Variants in ARID1A observed in about 807,000 individuals in gnomAD.
ARID1A encodes the protein AT-rich interaction domain 1A.
In ARID1A, 20 loss-of-function variants were observed where a neutral mutation model predicts 212.6. That is an observed-to-expected ratio of 0.09 (90% CI 0.07 to 0.14). ARID1A has a LOEUF of 0.14. Among genes scored for constraint, ARID1A ranks in the 10% least tolerant of loss-of-function variants. The probability of loss-of-function intolerance (pLI) is 1.00; values close to 1 mark genes in which losing one functional copy is unlikely to be tolerated. For synonymous variants in ARID1A, 1,376 were observed against 1,222.1 expected (o/e 1.13, Z -2.63); for missense variants, 2,587 against 3,059.0 (o/e 0.85, Z 3.64).
At chr1:26,748,877 ACT>A (rs1363759966) in intron 4 of ARID1A, among the ~76,000 whole-genome samples, 3 of 150,454 alleles carry the variant, frequency 2.0e-5, no homozygotes, top group Non-Finnish European at 1.5e-5. Context: ...TTTTTGGAAA[ACT>A]CTCGGCCAGG....
At chr1:26,760,773 A>G (rs548635503) in intron 4 of ARID1A, 83 bp from the exon 5 acceptor site, 1 of 1,436,650 alleles carries the variant, frequency 7.0e-7, no homozygotes, top group South Asian at 1.3e-5. Context: ...TTTAAGGAAA[A>G]TGCTAAGCAA....
At chr1:26,754,706 G>C (rs1342131453) in intron 4 of ARID1A, among the ~76,000 whole-genome samples, 1 of 152,196 alleles carries the variant, frequency 6.6e-6, no homozygotes, top group Admixed American at 6.6e-5. Context: ...AATGGAGAGA[G>C]AAAGCCAGCA....
intron 4 of ARID1A, among the ~76,000 whole-genome samples, chr1:26,745,612 C>T (rs1056490419): frequency 1.3e-4 from 19 of 151,890 alleles, no homozygotes; most frequent in African/African-American, 4.6e-4. Flanking sequence ...TTACATATGA[C>T]GAACCTAAGG....
At chr1:26,711,092 T>C (rs894765539) in intron 1 of ARID1A, among the ~76,000 whole-genome samples, 31 of 151,868 alleles carry the variant, frequency 2.0e-4, no homozygotes, top group African/African-American at 6.5e-4. Flanking sequence ...TAATGCCCTC[T>C]TAGCCTCTTA....
At chr1:26,766,436 G>T (rs893666363) in intron 9 of ARID1A, 21 bp from the exon 10 acceptor site, 1 of 1,613,870 alleles carries the variant, frequency 6.2e-7, no homozygotes, top group Non-Finnish European at 8.5e-7. Flanking sequence ...CTGGACTTGA[G>T]AATTTTTTTC....
chr1:26,704,706 A>C (rs1257342781), intron 1 of ARID1A, among the ~76,000 whole-genome samples: 1 of 151,980 alleles, frequency 6.6e-6, no homozygotes, highest in Non-Finnish European at 1.5e-5. Context: ...ACAAGACACA[A>C]AAATTGCTGG....
intron 4 of ARID1A, among the ~76,000 whole-genome samples, chr1:26,733,766 T>A (rs1272507320): frequency 6.6e-6 from 1 of 152,186 alleles, no homozygotes; most frequent in Non-Finnish European, 1.5e-5. Context: ...AAATGGAAAT[T>A]CAGCCACATA....
intron 4 of ARID1A, among the ~76,000 whole-genome samples, chr1:26,739,411 T>C (rs1470427170): frequency 6.6e-6 from 1 of 152,076 alleles, no homozygotes; most frequent in African/African-American, 2.4e-5. Flanking sequence ...ACCTAAGAAT[T>C]TGCATTTCTA....
At chr1:26,759,174 G>A (rs1241686948) in intron 4 of ARID1A, among the ~76,000 whole-genome samples, 1 of 152,138 alleles carries the variant, frequency 6.6e-6, no homozygotes, top group Admixed American at 6.6e-5. Context: ...TCCTTGAGAT[G>A]TGTGGTGTTT....
At chr1:26,769,187 G>A (rs980509260) in intron 11 of ARID1A, 1 of 152,208 alleles carries the variant, frequency 6.6e-6, no homozygotes, top group Non-Finnish European at 1.5e-5. Flanking sequence ...GGGAAAGGGA[G>A]CATTGGGTTA....
rs959877504 is a variant in ARID1A at position 26,721,026 on chromosome 1, G to A, written c.1138-8625G>A. Among the ~76,000 whole-genome samples the A allele has an allele frequency of 3.3e-5, 5 of 152,136 alleles. No homozygotes were observed. In the East Asian group the frequency reaches 9.6e-4, roughly 29 times the overall value. On this transcript the variant is annotated intron_variant, in intron 1 of 19. Transcript: ENST00000324856. ...CCCTCAGGAAGTTGGTCTGAGAACT[G>A]GGATTGGACCCCAGATGTACTTACT... is the stretch of plus-strand genomic sequence containing the variant.
intron 18 of ARID1A, 86 bp from the exon 19 acceptor site, chr1:26,775,491 A>G: frequency 6.4e-7 from 1 of 1,563,860 alleles, no homozygotes. Flanking sequence ...TGTTATCTTC[A>G]GAGTAGCTTC....
chr1:26,696,418 CGCCCCCGCCGCCGCCAGCAGCCTGG>C lies in ARID1A; in HGVS notation c.18_42del (p.Pro7ThrfsTer10). ...CAGCGGGGATCATGGCCGCGCAGGT[CGCCCCCGCCGCCGCCAGCAGCCTGG>C]GCAACCCGCCGCCGCCGCCGCCCTC... is the stretch of plus-strand genomic sequence containing the variant. On this transcript the variant is annotated frameshift_variant, in exon 1 of 20. Transcript: ENST00000324856. LOFTEE classifies it high-confidence loss of function. 1 of 1,284,648 alleles carries C rather than the reference CGCCCCCGCCGCCGCCAGCAGCCTGG, an allele frequency of 7.8e-7. No homozygotes were observed. The allele number at this position is 1,284,648 out of a possible 1,614,324, so 79.6% of individuals were successfully genotyped here.
In ARID1A at chr1:26,696,061, C is replaced by T. The variant is rs1227308370; in HGVS notation, c.-343C>T. 1 of 623,988 alleles carries T rather than the reference C, an allele frequency of 1.6e-6. No homozygotes were observed. Among genetic ancestry groups the T allele is most frequent in the Non-Finnish European group, 2.0e-6 (1 of 488,728 alleles). 38.7% of individuals were successfully genotyped at this position (623,988 alleles called of 1,614,324 possible). ...AGCGGAGAGTCACAGCGGGGCCAGG[C>T]CCTGGGGAGCGGAGCCTCCACCGCC... On this transcript the variant is annotated 5_prime_UTR_variant, in exon 1 of 20. Coordinates refer to ENST00000324856, the MANE Select transcript of ARID1A (RefSeq NM_006015.6).
intron 1 of ARID1A, among the ~76,000 whole-genome samples, chr1:26,697,906 G>A (rs1205984954): frequency 6.6e-6 from 1 of 152,058 alleles, no homozygotes; most frequent in Non-Finnish European, 1.5e-5. Flanking sequence ...AGTGGTAGGA[G>A]CCCAGGAGTT....
rs2124105069 is a variant in ARID1A, at chr1:26,772,635, A to G, written c.3539+3A>G. 1 of 1,614,218 alleles carries G rather than the reference A, an allele frequency of 6.2e-7. No homozygotes were observed. Among genetic ancestry groups the G allele is most frequent in the Non-Finnish European group, 8.5e-7 (1 of 1,180,036 alleles). Reference sequence around the variant, plus strand: ...ATCCCCCCATTGCCAGGCATGAGGTAAGGCCAAGAGCAGGGGCAGATGGTT... The same window carrying G: ...ATCCCCCCATTGCCAGGCATGAGGTGAGGCCAAGAGCAGGGGCAGATGGTT... On this transcript the variant is annotated splice_donor_region_variant and intron_variant, in intron 13 of 19. Coordinates refer to ENST00000324856, the MANE Select transcript of ARID1A (RefSeq NM_006015.6).
chr1:26,752,162 G>A (rs1040326453), intron 4 of ARID1A, among the ~76,000 whole-genome samples: 2 of 152,122 alleles, frequency 1.3e-5, no homozygotes, highest in East Asian at 3.8e-4. Context: ...TTTTCTTCCC[G>A]TTCCTTAGTA....
intron 3 of ARID1A, among the ~76,000 whole-genome samples, chr1:26,732,081 A>G (rs767457039): frequency 1.3e-5 from 2 of 152,162 alleles, no homozygotes; most frequent in Admixed American, 1.3e-4. Flanking sequence ...ATTCTTTAGA[A>G]TACTCTCAGT....
chr1:26,701,911 C>T (rs563381724), intron 1 of ARID1A, among the ~76,000 whole-genome samples: 1 of 152,242 alleles, frequency 6.6e-6, no homozygotes, highest in African/African-American at 2.4e-5. Context: ...ACTAAATAGT[C>T]GTTGGAAAGT....
Sources: gnomAD v4.1 joint callset for allele counts (sites outside exome capture counted in the v4.1 genomes callset) on GRCh38, gnomAD v4.1.1 for gene constraint, MANE v1.5 for transcripts, NCBI Gene and HGNC (gene_info 2026-07-23, HGNC 2026-07-21) for gene names.